The following RASAL2 variants were observed in gnomAD, a reference collection of about 807,000 sequenced individuals.
RASAL2 encodes the protein RAS protein activator like 2.
A neutral mutation model predicts 128.9 loss-of-function variants in RASAL2; 58 were observed. The ratio of observed to expected loss-of-function variants is 0.45; its 90% CI spans 0.36 to 0.56. The LOEUF (loss-of-function observed/expected upper bound fraction) is 0.56, where lower values mean the gene tolerates loss of function less well. Among genes scored for constraint, RASAL2 ranks in the 20% least tolerant of loss-of-function variants. The pLI, the probability that RASAL2 is intolerant of heterozygous loss-of-function variation, is 0.00. For missense variants in RASAL2, 1,360 were observed against 1,601.6 expected (o/e 0.85, Z 2.57); for synonymous variants, 561 against 580.8 (o/e 0.97, Z 0.49).
At chr1:178,230,178 C>T (rs1206699041) in intron 1 of RASAL2, among the ~76,000 whole-genome samples, 1 of 152,070 alleles carries the variant, frequency 6.6e-6, no homozygotes, top group African/African-American at 2.4e-5. Flanking sequence ...TGTATGAAAA[C>T]ACCACAATGT....
intron 1 of RASAL2, among the ~76,000 whole-genome samples, chr1:178,099,686 C>T (rs950399707): frequency 5.9e-5 from 9 of 152,280 alleles, no homozygotes; most frequent in Middle Eastern, 3.4e-3. Context: ...ATAGGCCGGG[C>T]GTGGTGGCTC....
chr1:178,127,157 G>A (rs1421714900), intron 1 of RASAL2, among the ~76,000 whole-genome samples: 1 of 152,110 alleles, frequency 6.6e-6, no homozygotes. Context: ...CAGTATAGTG[G>A]CTTGAAGATA....
intron 1 of RASAL2, among the ~76,000 whole-genome samples, chr1:178,204,357 T>C (rs1662971565): frequency 6.6e-6 from 1 of 152,130 alleles, no homozygotes; most frequent in Non-Finnish European, 1.5e-5. Context: ...TGATAGTTAA[T>C]ATTGATGGTT....
chr1:178,296,973 A>G (rs61813815), intron 2 of RASAL2, among the ~76,000 whole-genome samples: 1 of 135,464 alleles, frequency 7.4e-6, no homozygotes, highest in Non-Finnish European at 1.5e-5. Flanking sequence ...ACACCCAGCC[A>G]ATTTTTTTTT....
chr1:178,459,269 A>G (rs1678004969), intron 14 of RASAL2, among the ~76,000 whole-genome samples: 1 of 152,076 alleles, frequency 6.6e-6, no homozygotes, highest in South Asian at 2.1e-4. Flanking sequence ...TCTTCCTTAA[A>G]TATTACATTT....
rs1303753652 is a variant in RASAL2, at chr1:178,377,910, G to A, written c.458-12190G>A. On this transcript the variant is annotated intron_variant, in intron 3 of 17. Transcript: ENST00000367649. ...AATGTTAAGGACAACTACTAGAAGAGTAAAAATAGAGTATTTTTATTGAAA... is the reference window on the plus strand; with the variant it reads ...AATGTTAAGGACAACTACTAGAAGAATAAAAATAGAGTATTTTTATTGAAA... Among the ~76,000 whole-genome samples the A allele has an allele frequency of 4.6e-5, 7 of 151,504 alleles. No individual in the cohort carries two copies. The East Asian group carries it at 1.4e-3, about 29-fold the overall frequency.
At chr1:178,292,760 C>T (rs921022957) in intron 2 of RASAL2, among the ~76,000 whole-genome samples, 2 of 152,138 alleles carry the variant, frequency 1.3e-5, no homozygotes, top group Non-Finnish European at 2.9e-5. Flanking sequence ...CTCAGAGGTA[C>T]AGCCATTATA....
intron 1 of RASAL2, among the ~76,000 whole-genome samples, chr1:178,219,725 C>A (rs2102000742): frequency 6.6e-6 from 1 of 151,904 alleles, no homozygotes; most frequent in South Asian, 2.1e-4. Flanking sequence ...CCTATCTTAG[C>A]TTTTGTTTTG....
At chr1:178,127,571 T>C (rs1264602370) in intron 1 of RASAL2, among the ~76,000 whole-genome samples, 2 of 152,130 alleles carry the variant, frequency 1.3e-5, no homozygotes. Flanking sequence ...AAACCCTGTA[T>C]TTGAGAGAAT....
chr1:178,141,700 G>T (rs990690346), intron 1 of RASAL2, among the ~76,000 whole-genome samples: 2 of 152,138 alleles, frequency 1.3e-5, no homozygotes, highest in Non-Finnish European at 2.9e-5. Flanking sequence ...TCGGAGCATG[G>T]GCTAGCAGGC....
At chr1:178,363,075 A>G (rs764917153) in intron 3 of RASAL2, among the ~76,000 whole-genome samples, 12 of 152,156 alleles carry the variant, frequency 7.9e-5, no homozygotes, top group Non-Finnish European at 1.5e-4. Context: ...TAATTCCTTA[A>G]GAAACCTCCA....
intron 5 of RASAL2, among the ~76,000 whole-genome samples, chr1:178,438,690 C>T (rs1323315512): frequency 6.6e-6 from 1 of 151,920 alleles, no homozygotes; most frequent in Non-Finnish European, 1.5e-5. Flanking sequence ...ACAAAGATCT[C>T]TCTTCTAGAT....
intron 1 of RASAL2, among the ~76,000 whole-genome samples, chr1:178,130,293 C>T (rs1660055954): frequency 6.6e-6 from 1 of 152,038 alleles, no homozygotes. Flanking sequence ...GGTCATATGA[C>T]TTTGGACTTT....
At chr1:178,327,801 T>A (rs1669108667) in intron 3 of RASAL2, among the ~76,000 whole-genome samples, 1 of 152,030 alleles carries the variant, frequency 6.6e-6, no homozygotes, top group Non-Finnish European at 1.5e-5. Flanking sequence ...AATCTCAAGA[T>A]AAGAACATCC....
At chr1:178,235,064 C>A (rs1382515863) in intron 1 of RASAL2, among the ~76,000 whole-genome samples, 2 of 152,130 alleles carry the variant, frequency 1.3e-5, no homozygotes, top group Non-Finnish European at 2.9e-5. Flanking sequence ...AGAGGAAAAT[C>A]TTCCTCCTTG....
rs1302402130 is a variant in RASAL2, at chr1:178,101,217, C to A, written c.202+6523C>A. ...GTAAACAAAAGAAATAAAAATTGAACCCTTAAAGGCATAAAAACATTTCAT... is the reference window on the plus strand; with the variant it reads ...GTAAACAAAAGAAATAAAAATTGAAACCTTAAAGGCATAAAAACATTTCAT... On this transcript the variant is annotated intron_variant, in intron 1 of 17. Transcript: ENST00000367649. Among the ~76,000 whole-genome samples, 3 of 152,226 alleles carry A rather than the reference C, an allele frequency of 2.0e-5. No homozygotes were observed. The East Asian group carries it at 5.8e-4, about 29-fold the overall frequency.
At chr1:178,215,422 A>G (rs1663393594) in intron 1 of RASAL2, among the ~76,000 whole-genome samples, 1 of 152,208 alleles carries the variant, frequency 6.6e-6, no homozygotes, top group Non-Finnish European at 1.5e-5. Flanking sequence ...GTCCTAGGGG[A>G]TGGAAGAACC....
chr1:178,160,474 A>C (rs905324397), intron 1 of RASAL2, among the ~76,000 whole-genome samples: 3 of 152,152 alleles, frequency 2.0e-5, no homozygotes, highest in African/African-American at 4.8e-5. Context: ...GTCTCTACTA[A>C]AAATACAAAA....
At chr1:178,289,633 C>T (rs1667186726) in intron 2 of RASAL2, among the ~76,000 whole-genome samples, 1 of 152,066 alleles carries the variant, frequency 6.6e-6, no homozygotes, top group Admixed American at 6.5e-5. Context: ...TCTCTAGACT[C>T]ATATATCCAT....
Sources: gnomAD v4.1 joint callset for allele counts (sites outside exome capture counted in the v4.1 genomes callset) on GRCh38, gnomAD v4.1.1 for gene constraint, MANE v1.5 for transcripts, NCBI Gene and HGNC (gene_info 2026-07-23, HGNC 2026-07-21) for gene names.